Variants in SUCLG2 observed in about 807,000 individuals in gnomAD.
SUCLG2 encodes succinate--CoA ligase [GDP-forming] subunit beta, mitochondrial.
In SUCLG2, 42 loss-of-function variants were observed where a neutral mutation model predicts 47.9. The ratio of observed to expected loss-of-function variants is 0.88; its 90% CI spans 0.69 to 1.14. The LOEUF is 1.14. Ranked by LOEUF, SUCLG2 falls within the 50% of genes most tolerant of loss-of-function variation. The pLI, the probability that SUCLG2 is intolerant of heterozygous loss-of-function variation, is 0.00. For synonymous variants in SUCLG2, 195 were observed against 197.3 expected (o/e 0.99, Z 0.10); for missense variants, 571 against 525.9 (o/e 1.09, Z -0.84).
chr3:67,486,657 T>C (rs891574339), intron 9 of SUCLG2, among the ~76,000 whole-genome samples: 5 of 152,208 alleles, frequency 3.3e-5, no homozygotes, highest in Admixed American at 2.6e-4. Flanking sequence ...ATGCTCTCTG[T>C]AGGGTACATC....
At chr3:67,542,168 C>G (rs1367034138) in intron 2 of SUCLG2, among the ~76,000 whole-genome samples, 1 of 152,170 alleles carries the variant, frequency 6.6e-6, no homozygotes, top group Non-Finnish European at 1.5e-5. Context: ...GCCACCATGC[C>G]CGGCCCTCAA....
intron 2 of SUCLG2, among the ~76,000 whole-genome samples, chr3:67,572,955 AAAC>A (rs1707654095): frequency 6.6e-6 from 1 of 152,236 alleles, no homozygotes; most frequent in African/African-American, 2.4e-5. Flanking sequence ...TTGCATGAAT[AAAC>A]AAGAAAAGGA....
Position 67,503,550 on chromosome 3 carries a change from A to G in SUCLG2, c.758-5255T>C, listed in dbSNP as rs544182789. 1.3e-4 allele frequency among the ~76,000 whole-genome samples: 20 copies of G among 152,350 alleles called. No homozygotes were observed. The South Asian group carries it at 3.5e-3, about 27-fold the overall frequency. On this transcript the variant is annotated intron_variant, in intron 7 of 10. Coordinates refer to ENST00000307227, the MANE Select transcript of SUCLG2 (RefSeq NM_003848.4). ...CCTTAGCTTTCTCATTTAATAAAAC[A>G]ACAAACAATACAAAATGCATTTTCA...
At position 67,398,594 on chromosome 3, in the gene SUCLG2, A is replaced by C. The variant is rs1421458971; in HGVS notation, c.1183+2137T>G. On this transcript the variant is annotated intron_variant, in intron 10 of 10. Coordinates refer to ENST00000307227, the MANE Select transcript of SUCLG2 (RefSeq NM_003848.4). ...GGTGGGACTGTAAACTAGTTCAACC[A>C]TTGTGGAAGTCAGTATGGCGATTCC... Among the ~76,000 whole-genome samples the C allele has an allele frequency of 5.3e-5, 8 of 152,040 alleles. No individual in the cohort carries two copies. The South Asian group carries it at 1.2e-3, about 24-fold the overall frequency.
In SUCLG2 at chr3:67,533,655, C is replaced by G. The variant is rs138194896; in HGVS notation, c.227-4469G>C. Among the ~76,000 whole-genome samples the G allele has an allele frequency of 4.4e-3, 663 of 152,156 alleles. 8 individuals are homozygous for G. In the East Asian group the frequency reaches 0.052, roughly 12 times the overall value. ...CAATTATATAGAGATAAGTTAGAGG[C>G]CTTGGTGCCAATTTCTCAAAGGAAA... On this transcript the variant is annotated intron_variant, in intron 2 of 10. Transcript: ENST00000307227.
intron 10 of SUCLG2, among the ~76,000 whole-genome samples, chr3:67,394,454 A>G (rs1173177936): frequency 6.7e-6 from 1 of 148,784 alleles, no homozygotes. Context: ...AAATGAAGCG[A>G]GAAGGGAAGT....
At chr3:67,653,811 A>C (rs1197159603) in intron 1 of SUCLG2, among the ~76,000 whole-genome samples, 1 of 152,246 alleles carries the variant, frequency 6.6e-6, no homozygotes, top group Admixed American at 6.5e-5. Context: ...CTAGAGGCCA[A>C]GTTCCAATCG....
At chr3:67,376,332 T>C in intron 10 of SUCLG2, 1 of 985,398 alleles carries the variant, frequency 1.0e-6, no homozygotes, top group South Asian at 4.7e-5. Flanking sequence ...CCTCACTCTA[T>C]AAAATGAAAT....
chr3:67,508,984 A>G, intron 6 of SUCLG2, 81 bp from the exon 7 acceptor site: 1 of 980,274 alleles, frequency 1.0e-6, no homozygotes, highest in Non-Finnish European at 1.5e-6. Context: ...AACCTTAAAA[A>G]TAGCAAGTTA....
At chr3:67,389,059 AC>A (rs1462105216) in intron 10 of SUCLG2, among the ~76,000 whole-genome samples, 1 of 152,134 alleles carries the variant, frequency 6.6e-6, no homozygotes, top group Admixed American at 6.6e-5. Context: ...GCAATATGTT[AC>A]GGCTAAAAGA....
intron 1 of SUCLG2, among the ~76,000 whole-genome samples, chr3:67,647,103 C>T (rs1352993764): frequency 6.6e-6 from 1 of 152,010 alleles, no homozygotes; most frequent in African/African-American, 2.4e-5. Context: ...CTAAGACAGC[C>T]CACAAATGGA....
Position 67,565,847 on chromosome 3 carries a change from C to T in SUCLG2, c.227-36661G>A, listed in dbSNP as rs577482746. 3.9e-5 allele frequency among the ~76,000 whole-genome samples: 6 copies of T among 152,318 alleles called. 1 individual carries two copies. The highest frequency in any genetic ancestry group is 4.1e-4 in the South Asian group (2 of 4,828). On this transcript the variant is annotated intron_variant, in intron 2 of 10. Coordinates refer to ENST00000307227, the MANE Select transcript of SUCLG2 (RefSeq NM_003848.4). The stretch of plus-strand genomic sequence containing the variant: ...GAAAAAGGGTGAATTGAACACTACA[C>T]GGCAGCTGTCACTTAAAGTACATTT...
intron 1 of SUCLG2, among the ~76,000 whole-genome samples, chr3:67,642,915 ACT>A (rs1491463638): frequency 2.0e-3 from 215 of 109,596 alleles, no homozygotes; most frequent in African/African-American, 7.1e-3. Flanking sequence ...ACAGAAAAGG[ACT>A]CTGTGTGTGT....
intron 9 of SUCLG2, among the ~76,000 whole-genome samples, chr3:67,461,878 G>A (rs546587248): frequency 6.6e-6 from 1 of 152,132 alleles, no homozygotes; most frequent in Admixed American, 6.5e-5. Flanking sequence ...AAGTGAGGAG[G>A]GAGAGGAAGA....
intron 2 of SUCLG2, among the ~76,000 whole-genome samples, chr3:67,568,604 T>C (rs1707528479): frequency 6.6e-6 from 1 of 151,974 alleles, no homozygotes. Context: ...AAATAAAGAG[T>C]GAGCCGGGCG....
intron 9 of SUCLG2, among the ~76,000 whole-genome samples, chr3:67,478,778 G>A (rs1384166902): frequency 6.6e-6 from 1 of 152,212 alleles, no homozygotes; most frequent in Non-Finnish European, 1.5e-5. Context: ...TCCTGAGACA[G>A]AAGGAAGAGA....
At position 67,629,502 on chromosome 3, in the gene SUCLG2, AG is replaced by A. The variant is rs34101788; in HGVS notation, c.85-19907del. On this transcript the variant is annotated intron_variant, in intron 1 of 10. Transcript: ENST00000307227. ...GATGCAATAGAACATGATATGGGGG[AG>A]GGGGGGGCGCCCATATGTGTTCACC... Among the ~76,000 whole-genome samples, 46 of 151,194 alleles carry A rather than the reference AG, an allele frequency of 3.0e-4. No individual in the cohort carries two copies. The East Asian group carries it at 3.3e-3, about 11-fold the overall frequency.
chr3:67,647,337 T>C (rs1701210251), intron 1 of SUCLG2, among the ~76,000 whole-genome samples: 1 of 152,198 alleles, frequency 6.6e-6, no homozygotes, highest in Admixed American at 6.5e-5. Flanking sequence ...CTAAGTCCTA[T>C]TCTTTTGGAA....
rs1334713571 is a variant in SUCLG2 at position 67,375,462 on chromosome 3, C to T, written c.*282G>A. 1.8e-6 allele frequency: 2 copies of T among 1,111,398 alleles called. No homozygotes were observed. The highest frequency in any genetic ancestry group is 3.3e-5 in the African/African-American group (2 of 61,214). The allele number at this position is 1,111,398 out of a possible 1,614,324, so 68.8% of individuals were successfully genotyped here. ...TGTCTATACACACAATATTTGGCCA[C>T]ATAGACCACTCCCCAAAGTCTGCAA... On this transcript the variant is annotated 3_prime_UTR_variant, in exon 11 of 11. Coordinates refer to ENST00000307227, the MANE Select transcript of SUCLG2 (RefSeq NM_003848.4).
Sources: gnomAD v4.1 joint callset for allele counts (sites outside exome capture counted in the v4.1 genomes callset) on GRCh38, gnomAD v4.1.1 for gene constraint, MANE v1.5 for transcripts, NCBI Gene and HGNC (gene_info 2026-07-23, HGNC 2026-07-21) for gene names.